The following HGD variants were observed in gnomAD, a reference collection of about 807,000 sequenced individuals.
HGD encodes homogentisate 1,2-dioxygenase.
Under a neutral mutation model 60.8 loss-of-function variants are expected in HGD, and 61 were observed. The observed-to-expected ratio is 1.00, with a 90% CI of 0.82 to 1.24. The LOEUF is 1.24. Among genes scored for constraint, HGD ranks in the 50% most tolerant of loss-of-function variants. HGD has a pLI of 0.00. For synonymous variants in HGD, 212 were observed against 187.7 expected, an observed-to-expected ratio of 1.13 and a Z score of -1.06; for missense variants, 542 against 547.1, an observed-to-expected ratio of 0.99 and a Z score of 0.09.
At chr3:120,632,677 G>A (rs532655253) in intron 13 of HGD, among the ~76,000 whole-genome samples, 19 of 152,316 alleles carry the variant, frequency 1.2e-4, no homozygotes, top group Middle Eastern at 3.4e-3. Context: ...ACTTCAAAAC[G>A]CAGAAGACTC....
intron 3 of HGD, among the ~76,000 whole-genome samples, chr3:120,673,239 C>T (rs1225151784): frequency 6.6e-6 from 1 of 152,084 alleles, no homozygotes; most frequent in Non-Finnish European, 1.5e-5. Context: ...ACTACATTGC[C>T]CTGAACAGAG....
chr3:120,630,684 C>G (rs539645516), intron 13 of HGD, among the ~76,000 whole-genome samples: 97 of 151,436 alleles, frequency 6.4e-4, no homozygotes, highest in African/African-American at 2.3e-3. Context: ...GGAAGATGAC[C>G]TAGGCAATAC....
intron 1 of HGD, among the ~76,000 whole-genome samples, chr3:120,680,928 C>T (rs1708219954): frequency 6.6e-6 from 1 of 152,198 alleles, no homozygotes; most frequent in East Asian, 1.9e-4. Context: ...TTTGACTCTA[C>T]CTAGCCCAGA....
chr3:120,678,244 C>T (rs1334912324), intron 1 of HGD, among the ~76,000 whole-genome samples: 1 of 152,152 alleles, frequency 6.6e-6, no homozygotes, highest in Non-Finnish European at 1.5e-5. Context: ...AAAATGAACC[C>T]CATGCTCACC....
chr3:120,669,474 C>G (rs1707977379), intron 4 of HGD, among the ~76,000 whole-genome samples: 1 of 151,804 alleles, frequency 6.6e-6, no homozygotes. Context: ...CACACACACA[C>G]ACACACACAC....
At chr3:120,663,747 G>A (rs1189841827) in intron 4 of HGD, among the ~76,000 whole-genome samples, 2 of 147,174 alleles carry the variant, frequency 1.4e-5, no homozygotes, top group Non-Finnish European at 3.0e-5. Flanking sequence ...AGCAAAAATG[G>A]AAAAAATTCA....
chr3:120,646,046 G>A (rs772017425), intron 9 of HGD, among the ~76,000 whole-genome samples: 3 of 152,078 alleles, frequency 2.0e-5, no homozygotes, highest in Non-Finnish European at 4.4e-5. Flanking sequence ...TATCTCCAAT[G>A]TCTGTATACT....
At chr3:120,650,281 C>T (rs1941298658) in intron 6 of HGD, among the ~76,000 whole-genome samples, 1 of 152,208 alleles carries the variant, frequency 6.6e-6, no homozygotes, top group Admixed American at 6.5e-5. Flanking sequence ...ATCTAATGTA[C>T]ACCTTATATG....
chr3:120,633,022 G>A, intron 13 of HGD, 125 bp downstream of exon 13: 2 of 790,328 alleles, frequency 2.5e-6, no homozygotes, highest in Non-Finnish European at 4.3e-6. Context: ...ACATACTTAT[G>A]CAGTCATTAA....
rs1235923762 is a variant in HGD, at chr3:120,646,969, C to T, written c.549+4G>A. 1 of 1,611,966 alleles carries T rather than the reference C, an allele frequency of 6.2e-7. No homozygotes were observed. The highest frequency in any genetic ancestry group is 8.5e-7 in the Non-Finnish European group (1 of 1,178,018). ...CAGGGAAGAGAAGGGGACACATCACCAACCTGAATGACGCAGATCTCATTG... is the reference window on the plus strand; with the variant it reads ...CAGGGAAGAGAAGGGGACACATCACTAACCTGAATGACGCAGATCTCATTG... On this transcript the variant is annotated splice_donor_region_variant and intron_variant, in intron 8 of 13. Transcript: ENST00000283871.
intron 6 of HGD, 89 bp downstream of exon 6, chr3:120,650,685 G>T: frequency 2.2e-6 from 2 of 901,678 alleles, no homozygotes; most frequent in South Asian, 2.6e-5. Flanking sequence ...GTGCATATGT[G>T]ACTTCACAAG....
chr3:120,636,116 C>CAAA (rs34434001), intron 12 of HGD, among the ~76,000 whole-genome samples: 4 of 113,218 alleles, frequency 3.5e-5, no homozygotes, highest in Admixed American at 9.1e-5. Flanking sequence ...ACTAACAATA[C>CAAA]AAAAAAAAAA....
chr3:120,664,527 G>A (rs570430510), intron 4 of HGD, among the ~76,000 whole-genome samples: 36 of 147,062 alleles, frequency 2.4e-4, no homozygotes, highest in African/African-American at 7.5e-4. Context: ...TCCCAGGCTC[G>A]AGCAGTCTTC....
chr3:120,641,194 G>A lies in HGD; in HGVS notation c.879+395C>T, dbSNP rs578083984. Reference sequence around the variant, plus strand: ...GGGTGAGAAGTCAGAGATCATAGAGGAGGCTCTTGAGAGTTGTGGGGTCAG... The same window carrying A: ...GGGTGAGAAGTCAGAGATCATAGAGAAGGCTCTTGAGAGTTGTGGGGTCAG... On this transcript the variant is annotated intron_variant, in intron 11 of 13. Transcript: ENST00000283871. Among the ~76,000 whole-genome samples the A allele has an allele frequency of 3.3e-5, 5 of 152,190 alleles. No individual in the cohort carries two copies. The South Asian group carries it at 1.0e-3, about 32-fold the overall frequency.
At chr3:120,652,511 G>T in intron 5 of HGD, 81 bp downstream of exon 5, 1 of 1,004,740 alleles carries the variant, frequency 1.0e-6, no homozygotes, top group Non-Finnish European at 1.6e-6. Context: ...CTTCTGCTTG[G>T]CATTCAGGCT....
Position 120,628,248 on chromosome 3 carries a change from T to C in HGD, c.*132A>G. ...CTTTGCAAATGCGTTTCCATAAAAGTTCTGAGTTACTTGACTATGAAAAGT... is the reference window on the plus strand; with the variant it reads ...CTTTGCAAATGCGTTTCCATAAAAGCTCTGAGTTACTTGACTATGAAAAGT... On this transcript the variant is annotated 3_prime_UTR_variant, in exon 14 of 14. Coordinates refer to ENST00000283871, the MANE Select transcript of HGD (RefSeq NM_000187.4). 1 of 1,014,982 alleles carries C rather than the reference T, an allele frequency of 9.9e-7. No individual in the cohort carries two copies. Among genetic ancestry groups the C allele is most frequent in the Non-Finnish European group, 1.5e-6 (1 of 651,608 alleles). 62.9% of individuals were successfully genotyped at this position (1,014,982 alleles called of 1,614,324 possible). A position where few individuals can be genotyped will look rare whatever the true frequency, so the allele number is the denominator to read the frequency against.
chr3:120,638,622 G>A (rs765397457), intron 11 of HGD, 41 bp from the exon 12 acceptor site: 1 of 1,611,616 alleles, frequency 6.2e-7, no homozygotes, highest in South Asian at 1.1e-5. Context: ...TGATGCAAGG[G>A]AAGTGACTGG....
intron 4 of HGD, among the ~76,000 whole-genome samples, chr3:120,658,015 A>G (rs1222978441): frequency 6.6e-6 from 1 of 152,174 alleles, no homozygotes; most frequent in Non-Finnish European, 1.5e-5. Flanking sequence ...CCCCACCTCC[A>G]ACATTAGGGA....
In HGD at chr3:120,628,372, T is replaced by C. The variant is rs1220218999; in HGVS notation, c.*8A>G. 1.9e-6 allele frequency: 3 copies of C among 1,613,568 alleles called. No individual in the cohort carries two copies. The South Asian group carries it at 3.3e-5, about 18-fold the overall frequency. ...TCTACTCTTAATTATGGTAGCAATG[T>C]TCCAGTCTCAATTAGGTTCTGCTGG... On this transcript the variant is annotated 3_prime_UTR_variant, in exon 14 of 14. Transcript: ENST00000283871.
Sources: allele counts gnomAD v4.1 joint callset (sites outside exome capture counted in the v4.1 genomes callset), GRCh38; gene constraint gnomAD v4.1.1; transcripts MANE v1.5; gene names NCBI Gene and HGNC (gene_info 2026-07-23, HGNC 2026-07-21).